Variants in FSCN3 observed in about 807,000 individuals in gnomAD.
FSCN3 encodes the protein fascin actin-bundling protein 3.
Under a neutral mutation model 53.5 loss-of-function variants are expected in FSCN3, and 43 were observed. The observed-to-expected ratio is 0.80, with a 90% CI of 0.63 to 1.04. The LOEUF (loss-of-function observed/expected upper bound fraction) is 1.04. Ranked by LOEUF, FSCN3 falls within the 50% of genes least tolerant of loss-of-function variation. FSCN3 has a pLI of 0.00. For synonymous variants in FSCN3, 235 were observed against 246.6 expected, an observed-to-expected ratio of 0.95 and a Z score of 0.44; for missense variants, 594 against 646.5, an observed-to-expected ratio of 0.92 and a Z score of 0.88.
intron 3 of FSCN3, among the ~76,000 whole-genome samples, chr7:127,596,980 T>C (rs1281634337): frequency 4.6e-5 from 7 of 152,272 alleles, no homozygotes; most frequent in African/African-American, 1.7e-4. Context: ...ACAGTATGTA[T>C]GGTACATACA....
chr7:127,598,681 G>T, intron 4 of FSCN3, 87 bp downstream of exon 4: 1 of 1,185,928 alleles, frequency 8.4e-7, no homozygotes, highest in South Asian at 1.4e-5. Flanking sequence ...AAAGAGCACT[G>T]AAGGCCGGGC....
In FSCN3 at chr7:127,599,363, C is replaced by T; in HGVS notation, c.1121-18C>T. 2 of 1,607,268 alleles carry T rather than the reference C, an allele frequency of 1.2e-6. No homozygotes were observed. The highest frequency in any genetic ancestry group is 1.7e-6 in the Non-Finnish European group (2 of 1,174,466). ...CTAAAGGCAGCCCATCCAGATAACTCCTTCCTATTTCCTTCAGGCCCAAAT... is the reference window on the plus strand; with the variant it reads ...CTAAAGGCAGCCCATCCAGATAACTTCTTCCTATTTCCTTCAGGCCCAAAT... On this transcript the variant is annotated intron_variant, in intron 4 of 6. Coordinates refer to ENST00000265825, the MANE Select transcript of FSCN3 (RefSeq NM_020369.3).
At chr7:127,594,248 C>CTGTG (rs368223947) in intron 1 of FSCN3, among the ~76,000 whole-genome samples, 27,208 of 98,784 alleles carry the variant, frequency 0.28, 4,642 homozygotes, top group Admixed American at 0.38. Context: ...AGTGGCCAAG[C>CTGTG]TGTGTGTGTG....
intron 4 of FSCN3, among the ~76,000 whole-genome samples, 194 bp from the exon 5 acceptor site, chr7:127,599,187 T>G (rs1363858058): frequency 6.6e-6 from 1 of 152,138 alleles, no homozygotes; most frequent in Non-Finnish European, 1.5e-5. Context: ...TAAAGCTTCT[T>G]GGGTTTCGCA....
At chr7:127,599,326 T>C (rs1794436101) in intron 4 of FSCN3, 55 bp from the exon 5 acceptor site, 16 of 1,448,830 alleles carry the variant, frequency 1.1e-5, no homozygotes, top group East Asian at 2.3e-5. Flanking sequence ...CTGCTTCCAC[T>C]TGGGAAAACA....
chr7:127,599,288 C>A (rs974653538), intron 4 of FSCN3, 93 bp from the exon 5 acceptor site: 2 of 894,296 alleles, frequency 2.2e-6, no homozygotes, highest in Admixed American at 1.9e-5. Flanking sequence ...ATATTGACCA[C>A]ACCCTTCTGC....
At chr7:127,599,347 G>A in intron 4 of FSCN3, 34 bp from the exon 5 acceptor site, 2 of 1,583,622 alleles carry the variant, frequency 1.3e-6, no homozygotes, top group Non-Finnish European at 8.7e-7. Flanking sequence ...CCTAAAGGCA[G>A]CCCATCCAGA....
At position 127,593,831 on chromosome 7, in the gene FSCN3, ACATCACCTGTGG is replaced by A; in HGVS notation, c.-22_-11del. The A allele has an allele frequency of 1.3e-6, 2 of 1,556,428 alleles. No individual in the cohort carries two copies. The highest frequency in any genetic ancestry group is 1.7e-6 in the Non-Finnish European group (2 of 1,149,662). The stretch of plus-strand genomic sequence containing the variant: ...GGGGGGAGGGCTGGGCCAGACGGAG[ACATCACCTGTGG>A]TGTCAGCCCCATGGATGAGACAGAG... On this transcript the variant is annotated 5_prime_UTR_variant, in exon 1 of 7. In the 5' UTR this introduces an upstream ATG that the reference lacks. Transcript: ENST00000265825.
In FSCN3 at chr7:127,598,502, G is replaced by A; in HGVS notation, c.1028G>A (p.Trp343Ter). The change falls in exon 4 of 7, where the codon TGG (tryptophan) becomes TAG (stop). Residue 343 changes from tryptophan to a stop codon, truncating the protein, a stop_gained. Transcript: ENST00000265825. LOFTEE classifies it high-confidence loss of function. ...LESDTFFRMH[W>*]NCGRIILQSC... ...TCTGACACGTTCTTCCGAATGCACT[G>A]GAACTGTGGCAGGATCATCCTGCAG... is the stretch of plus-strand genomic sequence containing the variant. 1 of 1,613,990 alleles carries A rather than the reference G, an allele frequency of 6.2e-7. No individual in the cohort carries two copies. The highest frequency in any genetic ancestry group is 1.3e-5 in the African/African-American group (1 of 75,056).
In FSCN3 at chr7:127,593,983, T is replaced by G; in HGVS notation, c.130T>G (p.Leu44Val). The G allele has an allele frequency of 6.2e-7, 1 of 1,612,786 alleles. No homozygotes were observed. The highest frequency in any genetic ancestry group is 1.7e-4 in the Middle Eastern group (1 of 6,058). The change falls in exon 1 of 7, where the codon TTG (leucine) becomes GTG (valine). Residue 44 changes from leucine (L) to valine (V), a missense_variant. Physicochemically the swap from Leu to Val is conservative, Grantham distance 32. Transcript: ENST00000265825. ...TACAGTCACTGCAACTGCGAAGAGT[T>G]TGGGCAGGAGACAGGTGACAAAGCA... Reference protein sequence around the residue: ...KNTVTATAKSLGRRQTWEILV... With the variant: ...KNTVTATAKSVGRRQTWEILV...
chr7:127,594,307 G>T (rs1022129715), intron 1 of FSCN3, among the ~76,000 whole-genome samples: 1 of 149,798 alleles, frequency 6.7e-6, no homozygotes, highest in African/African-American at 2.5e-5. Flanking sequence ...TGAAAGCAGG[G>T]TGTACTCTCA....
At chr7:127,598,111 G>A (rs1451141925) in intron 3 of FSCN3, among the ~76,000 whole-genome samples, 1 of 152,164 alleles carries the variant, frequency 6.6e-6, no homozygotes, top group East Asian at 1.9e-4. Flanking sequence ...TTTTCTTCTA[G>A]ATGTTTCATA....
In FSCN3 at chr7:127,596,436, A is replaced by G; in HGVS notation, c.950A>G (p.Tyr317Cys). The change falls in exon 3 of 7, where the codon TAC becomes TGC. Residue 317 changes from tyrosine (Y) to cysteine (C), a missense_variant. Physicochemically the swap from Tyr to Cys is radical, Grantham distance 194 (BLOSUM62 -2). Coordinates refer to ENST00000265825, the MANE Select transcript of FSCN3 (RefSeq NM_020369.3). The stretch of plus-strand genomic sequence containing the variant: ...CAGCTTCGTTCAGCCAATGGCTACT[A>G]CCTATCCCAGGTGAGACCTTGGCTT... The part of the protein sequence containing the change: ...TVQLRSANGY[Y>C]LSQRRHRAVM... The G allele has an allele frequency of 6.6e-7, 1 of 1,526,398 alleles. No individual in the cohort carries two copies. 94.6% of individuals were successfully genotyped at this position (1,526,398 alleles called of 1,614,324 possible). A position where few individuals can be genotyped will look rare whatever the true frequency, so the allele number is the denominator to read the frequency against.
chr7:127,595,972 A>G lies in FSCN3; in HGVS notation c.810A>G (p.Ser270=), dbSNP rs778083885. ...GCCCAACCTGGGTCAGCCTCAGGTC[A>G]AAGACTGGGCGGTTCATCTCAGTCA... The part of the protein sequence containing the change: ...QHCPTWVSLR[S]KTGRFISVIY... Residue 270 remains serine (S), a synonymous_variant, in exon 2 of 7, where the codon TCA becomes TCG. Coordinates refer to ENST00000265825, the MANE Select transcript of FSCN3 (RefSeq NM_020369.3). 1 of 1,571,144 alleles carries G rather than the reference A, an allele frequency of 6.4e-7. No homozygotes were observed. The highest frequency in any genetic ancestry group is 2.2e-5 in the East Asian group (1 of 44,548).
At chr7:127,596,285 G>A (rs200144958) in intron 2 of FSCN3, 43 bp from the exon 3 acceptor site, 65 of 1,545,474 alleles carry the variant, frequency 4.2e-5, no homozygotes, top group African/African-American at 1.4e-4. Context: ...AGGAGGGGCC[G>A]AGACTGAGGG....
intron 3 of FSCN3, among the ~76,000 whole-genome samples, chr7:127,597,556 A>G (rs904878280): frequency 2.0e-5 from 3 of 150,238 alleles, no homozygotes; most frequent in Non-Finnish European, 4.4e-5. Context: ...TCGGCTCACC[A>G]CAACCTCCGC....
At chr7:127,600,118 C>A (rs968544566) in intron 5 of FSCN3, 76 bp from the exon 6 acceptor site, 1 of 809,984 alleles carries the variant, frequency 1.2e-6, no homozygotes, top group Non-Finnish European at 2.2e-6. Flanking sequence ...CATGCCTCCA[C>A]AGAGTCCCTC....
intron 1 of FSCN3, among the ~76,000 whole-genome samples, chr7:127,594,248 C>CT (rs1554402179): frequency 1.0e-5 from 1 of 98,938 alleles, no homozygotes; most frequent in Non-Finnish European, 1.9e-5. Flanking sequence ...AGTGGCCAAG[C>CT]TGTGTGTGTG....
Position 127,598,517 on chromosome 7 carries a change from T to C in FSCN3, c.1043T>C (p.Ile348Thr). ...FFRMHWNCGRIILQSCRGRFL... is the reference protein window; with the variant it reads ...FFRMHWNCGRTILQSCRGRFL... ...CGAATGCACTGGAACTGTGGCAGGA[T>C]CATCCTGCAGTCCTGCAGGGGGCGC... The change falls in exon 4 of 7, where the codon ATC becomes ACC. Residue 348 changes from isoleucine to threonine, a missense_variant. Transcript: ENST00000265825. The C allele has an allele frequency of 6.2e-7, 1 of 1,613,784 alleles. No homozygotes were observed. The highest frequency in any genetic ancestry group is 8.5e-7 in the Non-Finnish European group (1 of 1,179,698).
Sources: gnomAD v4.1 joint callset for allele counts (sites outside exome capture counted in the v4.1 genomes callset) on GRCh38, gnomAD v4.1.1 for gene constraint, MANE v1.5 for transcripts, NCBI Gene and HGNC (gene_info 2026-07-23, HGNC 2026-07-21) for gene names.